The following NCOA2 variants were observed in gnomAD, a reference collection of about 807,000 sequenced individuals.
NCOA2 encodes class E basic helix-loop-helix protein 75.
Under a neutral mutation model 145.1 loss-of-function variants are expected in NCOA2, and 21 were observed. That is an observed-to-expected ratio of 0.14 (90% CI 0.10 to 0.21). NCOA2 has a LOEUF of 0.21. Ranked by LOEUF, NCOA2 falls within the 10% of genes least tolerant of loss-of-function variation. The pLI, the probability that NCOA2 is intolerant of heterozygous loss-of-function variation, is 1.00. For synonymous variants in NCOA2, 619 were observed against 637.5 expected, an observed-to-expected ratio of 0.97 and a Z score of 0.44; for missense variants, 1,472 against 1,837.6, an observed-to-expected ratio of 0.80 and a Z score of 3.64.
the NCOA2 span, among the ~76,000 whole-genome samples, chr8:70,445,914 G>T: frequency 6.6e-6 from 1 of 152,210 alleles, no homozygotes; most frequent in African/African-American, 2.4e-5. Flanking sequence ...CCTACTGGAA[G>T]GGTCGGAGAG....
At chr8:70,299,049 G>C (rs1159223761) in intron 1 of NCOA2, among the ~76,000 whole-genome samples, 1 of 151,980 alleles carries the variant, frequency 6.6e-6, no homozygotes, top group Non-Finnish European at 1.5e-5. Flanking sequence ...GACAGAGGGA[G>C]ACTCCAACTC....
At chr8:70,195,652 C>A (rs1817223001) in intron 4 of NCOA2, among the ~76,000 whole-genome samples, 1 of 152,152 alleles carries the variant, frequency 6.6e-6, no homozygotes, top group African/African-American at 2.4e-5. Flanking sequence ...TCTTTACAAG[C>A]AGATTGTTAG....
intron 1 of NCOA2, among the ~76,000 whole-genome samples, chr8:70,380,878 C>T (rs1432809212): frequency 1.3e-5 from 2 of 152,022 alleles, no homozygotes; most frequent in Non-Finnish European, 2.9e-5. Context: ...AGTTCAAGAT[C>T]AGCTTGGGCA....
At chr8:70,144,928 G>A (rs938279940) in intron 12 of NCOA2, 80 bp from the exon 13 acceptor site, 7 of 1,306,854 alleles carry the variant, frequency 5.4e-6, no homozygotes, top group African/African-American at 1.5e-5. Flanking sequence ...TAGGGACAAT[G>A]TCTGTAAAAT....
chr8:70,163,824 G>A (rs752485626), intron 7 of NCOA2, among the ~76,000 whole-genome samples: 1 of 152,072 alleles, frequency 6.6e-6, no homozygotes, highest in Non-Finnish European at 1.5e-5. Context: ...TACATGTGAT[G>A]GAAATACATC....
intron 11 of NCOA2, among the ~76,000 whole-genome samples, chr8:70,154,441 CT>C (rs1812074054): frequency 6.6e-6 from 1 of 152,182 alleles, no homozygotes; most frequent in Admixed American, 6.5e-5. Context: ...GAGACAGGGT[CT>C]CAATCTATTG....
chr8:70,128,427 C>T lies in NCOA2; in HGVS notation c.3681+6G>A. 1 of 1,609,190 alleles carries T rather than the reference C, an allele frequency of 6.2e-7. No homozygotes were observed. Among genetic ancestry groups the T allele is most frequent in the Non-Finnish European group, 8.5e-7 (1 of 1,177,592 alleles). The stretch of plus-strand genomic sequence containing the variant: ...ATGAAAGCTAATGGCTGGTATGTTG[C>T]CTTACCTGTGTTGGTACTCCAGGCC... On this transcript the variant is annotated splice_donor_region_variant and intron_variant, in intron 18 of 22. Transcript: ENST00000452400.
At chr8:70,170,983 G>A (rs1312044595) in intron 5 of NCOA2, among the ~76,000 whole-genome samples, 2 of 152,218 alleles carry the variant, frequency 1.3e-5, no homozygotes, top group African/African-American at 4.8e-5. Context: ...TGTCTCTGAT[G>A]TGGCAAACTC....
chr8:70,141,244 T>G lies in NCOA2; in HGVS notation c.2968A>C (p.Met990Leu). The change falls in exon 14 of 23, where the codon ATG becomes CTG. Residue 990 changes from methionine (M) to leucine (L), a missense_variant. Around this residue, in one of 4 missense-constraint regions of NCOA2, gnomAD observed 953 missense variants for 1,062.1 expected, o/e 0.90. Transcript: ENST00000452400. ...MIRNPAASIPMRPSSQPGQRQ... is the reference protein window; with the variant it reads ...MIRNPAASIPLRPSSQPGQRQ... ...TGGCCAGGCTGGCTGCTGGGCCTCATGGGGATGCTGGCTGCTGGGTTCCGA... is the reference window on the plus strand; with the variant it reads ...TGGCCAGGCTGGCTGCTGGGCCTCAGGGGGATGCTGGCTGCTGGGTTCCGA... 1 of 1,613,852 alleles carries G rather than the reference T, an allele frequency of 6.2e-7. No homozygotes were observed. The highest frequency in any genetic ancestry group is 1.1e-5 in the South Asian group (1 of 91,060).
intron 1 of NCOA2, among the ~76,000 whole-genome samples, chr8:70,402,932 C>T (rs1814479300): frequency 6.9e-6 from 1 of 144,974 alleles, no homozygotes; most frequent in Admixed American, 6.8e-5. Context: ...GCCGCCCGCC[C>T]CGCCCGCCGC....
At chr8:70,228,933 C>G (rs994962716) in intron 2 of NCOA2, among the ~76,000 whole-genome samples, 1 of 152,162 alleles carries the variant, frequency 6.6e-6, no homozygotes, top group African/African-American at 2.4e-5. Context: ...CTCAGAGACA[C>G]CACGACACAG....
chr8:70,237,091 A>C (rs2134352459), intron 2 of NCOA2, among the ~76,000 whole-genome samples: 1 of 152,364 alleles, frequency 6.6e-6, no homozygotes, highest in Admixed American at 6.5e-5. Flanking sequence ...ATTGCTTTAC[A>C]AACTGCTATC....
rs569054037 is a variant in NCOA2 at position 70,234,750 on chromosome 8, T to C, written c.-19-17986A>G. ...TGATTCTTAACAGCTTTTGGGGTTA[T>C]GAACCTCTCTGAGTACCTGACCAAG... On this transcript the variant is annotated intron_variant, in intron 2 of 22. Coordinates refer to ENST00000452400, the MANE Select transcript of NCOA2 (RefSeq NM_006540.4). Among the ~76,000 whole-genome samples the C allele has an allele frequency of 5.3e-5, 8 of 152,328 alleles. No individual in the cohort carries two copies. In the East Asian group the frequency reaches 1.2e-3, roughly 22 times the overall value.
At position 70,216,760 on chromosome 8, in the gene NCOA2, A is replaced by C; in HGVS notation, c.-15T>G. On this transcript the variant is annotated 5_prime_UTR_variant, in exon 3 of 23. Transcript: ENST00000452400. ...ATCCCACTCATCTTGAACACATATC[A>C]GCAACTAAAACAGAAAACAGAGAAG... The C allele has an allele frequency of 6.3e-7, 1 of 1,576,564 alleles. No individual in the cohort carries two copies. The highest frequency in any genetic ancestry group is 8.7e-7 in the Non-Finnish European group (1 of 1,146,008).
rs1819328737 is a variant in NCOA2 at position 70,214,002 on chromosome 8, A to G, written c.160T>C (p.Phe54Leu). 1.2e-6 allele frequency: 2 copies of G among 1,613,028 alleles called. No homozygotes were observed. The highest frequency in any genetic ancestry group is 1.7e-6 in the Non-Finnish European group (2 of 1,179,630). Residue 54 changes from phenylalanine to leucine, a missense_variant, in exon 4 of 23, where the codon TTT becomes CTT. Physicochemically the swap from Phe to Leu is conservative, Grantham distance 22 (BLOSUM62 0). Coordinates refer to ENST00000452400, the MANE Select transcript of NCOA2 (RefSeq NM_006540.4). ...KYIEELAELIFANFNDIDNFN... is the reference protein window; with the variant it reads ...KYIEELAELILANFNDIDNFN... ...TTGTCTATATCATTAAAATTTGCAA[A>G]AATCAACTCTGCAAGTTCTTCTATA... is the stretch of plus-strand genomic sequence containing the variant.
At chr8:70,189,673 T>G (rs1816472233) in intron 4 of NCOA2, among the ~76,000 whole-genome samples, 1 of 152,180 alleles carries the variant, frequency 6.6e-6, no homozygotes, top group East Asian at 1.9e-4. Flanking sequence ...ATACATGATA[T>G]TAGATGGTGG....
intron 1 of NCOA2, among the ~76,000 whole-genome samples, chr8:70,398,686 T>C (rs888906476): frequency 2.0e-5 from 3 of 152,228 alleles, no homozygotes; most frequent in Non-Finnish European, 2.9e-5. Flanking sequence ...CTTCTACCTA[T>C]ATGATTCTGT....
At chr8:70,402,332 GAA>G (rs1814355001) in intron 1 of NCOA2, 1 of 152,346 alleles carries the variant, frequency 6.6e-6, no homozygotes. Context: ...TCTGGTTTGG[GAA>G]AGTTTCCCCT....
chr8:70,121,374 C>T lies in NCOA2; in HGVS notation c.4311G>A (p.Leu1437=). 6.2e-7 allele frequency: 1 copy of T among 1,611,800 alleles called. No homozygotes were observed. Among genetic ancestry groups the T allele is most frequent in the Non-Finnish European group, 8.5e-7 (1 of 1,178,870 alleles). The part of the protein sequence containing the change: ...MGPEQVNDPA[L]RGGNLFPNQL... ...GGTTTGGGAACAGGTTGCCTCCCCT[C>T]AGAGCAGGATCATTAACCTAAGGAC... Residue 1437 remains leucine (L), a synonymous_variant, in exon 22 of 23, where the codon CTG becomes CTA. Transcript: ENST00000452400.
Sources: gnomAD v4.1 joint callset for allele counts (sites outside exome capture counted in the v4.1 genomes callset) on GRCh38, gnomAD v4.1.1 for gene constraint, gnomAD v4.1.1 regional missense constraint, MANE v1.5 for transcripts, NCBI Gene and HGNC (gene_info 2026-07-23, HGNC 2026-07-21) for gene names.